Variants in NKAIN3 observed in about 807,000 individuals in gnomAD.
NKAIN3 encodes the protein sodium/potassium transporting ATPase interacting 3.
In NKAIN3, 25 loss-of-function variants were observed where a neutral mutation model predicts 30.2. The observed-to-expected ratio is 0.83, with a 90% CI of 0.60 to 1.16. The LOEUF (loss-of-function observed/expected upper bound fraction) is 1.16, where lower values mean the gene tolerates loss of function less well. Ranked by LOEUF, NKAIN3 falls within the 50% of genes most tolerant of loss-of-function variation. The pLI is 0.00. For missense variants in NKAIN3, 225 were observed against 254.1 expected (o/e 0.89, Z 0.78); for synonymous variants, 91 against 89.6 (o/e 1.02, Z -0.09).
At chr8:62,608,522 C>T (rs115528835) in intron 3 of NKAIN3, among the ~76,000 whole-genome samples, 1,684 of 152,206 alleles carry the variant, frequency 0.011, 33 homozygotes, top group African/African-American at 0.039. Context: ...CTCGCTTGGC[C>T]GTCTATGGCA....
At chr8:62,513,105 A>G (rs1223789798) in intron 1 of NKAIN3, among the ~76,000 whole-genome samples, 1 of 152,080 alleles carries the variant, frequency 6.6e-6, no homozygotes, top group African/African-American at 2.4e-5. Context: ...CCTCATATAT[A>G]TTTCCTCCAA....
rs977012676 is a variant in NKAIN3 at position 62,345,543 on chromosome 8, A to G, written c.54+96416A>G. On this transcript the variant is annotated intron_variant, in intron 1 of 6. Transcript: ENST00000623646. Reference sequence around the variant, plus strand: ...TATATGTATATATACACACATATATACACATATATGTATATATACACATAT... The same window carrying G: ...TATATGTATATATACACACATATATGCACATATATGTATATATACACATAT... Among the ~76,000 whole-genome samples, 132 of 137,386 alleles carry G rather than the reference A, an allele frequency of 9.6e-4. 2 individuals carry two copies. Among genetic ancestry groups the G allele is most frequent in the African/African-American group, 4.0e-3 (125 of 31,350 alleles). The allele number at this position is 137,386 out of a possible 152,430, so 90.1% of individuals were successfully genotyped here. A position where few individuals can be genotyped will look rare whatever the true frequency, so the allele number is the denominator to read the frequency against.
chr8:62,398,043 G>A (rs1470879110), intron 1 of NKAIN3, among the ~76,000 whole-genome samples: 1 of 152,154 alleles, frequency 6.6e-6, no homozygotes, highest in African/African-American at 2.4e-5. Context: ...GAGGGGTGCA[G>A]GCACCATGTC....
At chr8:62,889,796 A>C (rs1166960538) in intron 4 of NKAIN3, among the ~76,000 whole-genome samples, 1 of 152,176 alleles carries the variant, frequency 6.6e-6, no homozygotes, top group Non-Finnish European at 1.5e-5. Context: ...GGATTCGGAG[A>C]GGAGAATTTG....
Position 62,486,374 on chromosome 8 carries a change from T to C in NKAIN3, c.55-93165T>C, listed in dbSNP as rs567043147. ...AGTTAATTTATTTTAATTTATTGCA[T>C]GCTTAGCTCAGACTCACAGGATTTC... On this transcript the variant is annotated intron_variant, in intron 1 of 6. Coordinates refer to ENST00000623646, the MANE Select transcript of NKAIN3 (RefSeq NM_001304533.3). 2.0e-5 allele frequency among the ~76,000 whole-genome samples: 3 copies of C among 152,274 alleles called. No homozygotes were observed. The South Asian group carries it at 6.2e-4, about 32-fold the overall frequency.
chr8:62,782,423 T>C (rs953981714), intron 4 of NKAIN3, among the ~76,000 whole-genome samples: 1 of 152,060 alleles, frequency 6.6e-6, no homozygotes, highest in Non-Finnish European at 1.5e-5. Flanking sequence ...CTACTGGGTA[T>C]TTATCCAAAG....
chr8:62,596,766 A>C (rs1351456313), intron 3 of NKAIN3, among the ~76,000 whole-genome samples: 3 of 152,096 alleles, frequency 2.0e-5, no homozygotes, highest in African/African-American at 4.8e-5. Context: ...GGTCTGGATC[A>C]GTCAAGGGAA....
chr8:62,505,118 A>G (rs1037405760), intron 1 of NKAIN3, among the ~76,000 whole-genome samples: 1 of 152,250 alleles, frequency 6.6e-6, no homozygotes, highest in Non-Finnish European at 1.5e-5. Context: ...GGAAGAACCA[A>G]GAAATGTAAT....
At chr8:62,653,120 G>T (rs1790805814) in intron 3 of NKAIN3, among the ~76,000 whole-genome samples, 1 of 152,148 alleles carries the variant, frequency 6.6e-6, no homozygotes, top group African/African-American at 2.4e-5. Flanking sequence ...AGCTCAGGCT[G>T]CCATAACAAA....
At chr8:62,747,259 A>T in intron 4 of NKAIN3, 130 bp downstream of exon 4, 1 of 604,162 alleles carries the variant, frequency 1.7e-6, no homozygotes, top group South Asian at 2.1e-5. Flanking sequence ...AGAAGCAATT[A>T]TGGTACCACT....
At chr8:62,501,734 G>C (rs1434724078) in intron 1 of NKAIN3, among the ~76,000 whole-genome samples, 1 of 152,116 alleles carries the variant, frequency 6.6e-6, no homozygotes, top group Non-Finnish European at 1.5e-5. Flanking sequence ...CAACTTAAAA[G>C]CTGAAATCCA....
intron 1 of NKAIN3, among the ~76,000 whole-genome samples, chr8:62,276,850 CT>C (rs757907428): frequency 6.6e-6 from 1 of 152,046 alleles, no homozygotes; most frequent in Non-Finnish European, 1.5e-5. Flanking sequence ...TATTTGGACT[CT>C]TTTTAGAATA....
intron 1 of NKAIN3, among the ~76,000 whole-genome samples, chr8:62,297,607 T>A (rs1813878853): frequency 6.6e-6 from 1 of 151,734 alleles, no homozygotes; most frequent in Non-Finnish European, 1.5e-5. Context: ...GAAATGCAAA[T>A]CAAAACCACA....
intron 4 of NKAIN3, among the ~76,000 whole-genome samples, chr8:62,886,339 G>A (rs2124296): frequency 0.18 from 27,917 of 151,612 alleles, 3,423 homozygotes; most frequent in East Asian, 0.55. Context: ...TCATACAGAA[G>A]CATATGTAAA....
At chr8:62,534,278 G>T (rs956752684) in intron 1 of NKAIN3, among the ~76,000 whole-genome samples, 1 of 152,112 alleles carries the variant, frequency 6.6e-6, no homozygotes, top group Non-Finnish European at 1.5e-5. Context: ...TCCTTTGAAG[G>T]TTAATGACAA....
intron 1 of NKAIN3, among the ~76,000 whole-genome samples, chr8:62,528,817 G>A (rs947465328): frequency 3.3e-5 from 5 of 152,240 alleles, no homozygotes; most frequent in African/African-American, 1.2e-4. Flanking sequence ...CCCTGGCACA[G>A]TAATTATTCA....
At chr8:62,393,586 T>A (rs914409626) in intron 1 of NKAIN3, among the ~76,000 whole-genome samples, 1 of 151,926 alleles carries the variant, frequency 6.6e-6, no homozygotes, top group Non-Finnish European at 1.5e-5. Context: ...TTCTAGATTA[T>A]TTGCCTTTCC....
chr8:62,321,617 A>G (rs1342355830), intron 1 of NKAIN3, among the ~76,000 whole-genome samples: 1 of 152,228 alleles, frequency 6.6e-6, no homozygotes, highest in Admixed American at 6.5e-5. Context: ...TTGCCTGGGT[A>G]TCAGCAGCGG....
intron 1 of NKAIN3, among the ~76,000 whole-genome samples, chr8:62,358,218 A>G (rs563775441): frequency 6.7e-6 from 1 of 148,746 alleles, no homozygotes; most frequent in South Asian, 2.2e-4. Flanking sequence ...TGAGAGTTGA[A>G]GCTAATTAAT....
Sources: allele counts gnomAD v4.1 joint callset (sites outside exome capture counted in the v4.1 genomes callset), GRCh38; gene constraint gnomAD v4.1.1; transcripts MANE v1.5; gene names NCBI Gene and HGNC (gene_info 2026-07-23, HGNC 2026-07-21).